The following PDCD7 variants were observed in gnomAD, a reference collection of about 807,000 sequenced individuals.
PDCD7 encodes programmed cell death protein 7.
PDCD7 carries 40 observed loss-of-function variants against 42.1 expected under a neutral mutation model. The observed-to-expected ratio is 0.95, with a 90% CI of 0.74 to 1.24. PDCD7 has a LOEUF of 1.24. PDCD7 is among the 50% of genes most tolerant of loss of function. The pLI, the probability that PDCD7 is intolerant of heterozygous loss-of-function variation, is 0.00. For synonymous variants in PDCD7, 299 were observed against 303.3 expected (o/e 0.99, Z 0.15); for missense variants, 644 against 662.8 (o/e 0.97, Z 0.31).
chr15:65,120,398 T>C (rs944085349), intron 2 of PDCD7, among the ~76,000 whole-genome samples: 4 of 152,094 alleles, frequency 2.6e-5, no homozygotes, highest in Admixed American at 1.3e-4. Flanking sequence ...GCAATCCCCC[T>C]GCCTTGGCCT....
rs61756022 is a variant in PDCD7 at position 65,118,763 on chromosome 15, G to C, written c.1412C>G (p.Pro471Arg). Residue 471 changes from proline (P) to arginine (R), a missense_variant, in exon 5 of 5, where the codon CCG becomes CGG. By Grantham distance (103) the Pro-to-Arg change is moderately radical. Transcript: ENST00000204549. ...NFVPQGWVLPPLPSNDIWATA... is the reference protein window; with the variant it reads ...NFVPQGWVLPRLPSNDIWATA... ...TGCCCAGATGTCGTTGCTGGGGAGC[G>C]GGGGAAGGACCCATCCTTGGGGAAC... 11 of 1,609,096 alleles carry C rather than the reference G, an allele frequency of 6.8e-6. No homozygotes were observed. In the Admixed American group the frequency reaches 1.2e-4, roughly 17 times the overall value.
intron 1 of PDCD7, among the ~76,000 whole-genome samples, chr15:65,131,293 C>A (rs997570558): frequency 4.6e-5 from 7 of 152,184 alleles, no homozygotes; most frequent in African/African-American, 1.4e-4. Context: ...TCCTATCACC[C>A]CCAGATGGGA....
In PDCD7 at chr15:65,133,683, G is replaced by C; in HGVS notation, c.99C>G (p.Pro33=). The C allele has an allele frequency of 1.6e-6, 2 of 1,274,048 alleles. No individual in the cohort carries two copies. Among genetic ancestry groups the C allele is most frequent in the Non-Finnish European group, 2.0e-6 (2 of 1,003,956 alleles). The allele number at this position is 1,274,048 out of a possible 1,614,324, so 78.9% of individuals were successfully genotyped here. ...GGAGAGGCGGCGGGAAAGCCGGGGA[G>C]GGCAGCGGCGGTGGCGGACAGCCGA... ...APFGCPPPPL[P]SPAFPPPLPQ... is the part of the protein sequence containing the mutation. Residue 33 remains proline, a synonymous_variant, in exon 1 of 5, where the codon CCC becomes CCG. Transcript: ENST00000204549.
In PDCD7 at chr15:65,127,931, T is replaced by G. The variant is rs1333364430; in HGVS notation, c.1009+1101A>C. Among the ~76,000 whole-genome samples the G allele has an allele frequency of 8.5e-5, 13 of 152,322 alleles. 1 individual carries two copies. The East Asian group carries it at 1.7e-3, about 20-fold the overall frequency. On this transcript the variant is annotated intron_variant, in intron 2 of 4. Coordinates refer to ENST00000204549, the MANE Select transcript of PDCD7 (RefSeq NM_005707.2). The stretch of plus-strand genomic sequence containing the variant: ...GACAAAGCAGATGCTAACTTCCCTC[T>G]GATTTACAAATGCCCTGAGAGTACC...
At position 65,132,346 on chromosome 15, in the gene PDCD7, C is replaced by G. The variant is rs543296121; in HGVS notation, c.870+566G>C. On this transcript the variant is annotated intron_variant, in intron 1 of 4. Transcript: ENST00000204549. ...TCGCCCAGGCTGGAATGCAGTGGTG[C>G]GATCTCGGCTCACTGCAACCTCCGC... Among the ~76,000 whole-genome samples the G allele has an allele frequency of 7.3e-5, 11 of 149,932 alleles. No homozygotes were observed. The East Asian group carries it at 2.2e-3, about 29-fold the overall frequency.
chr15:65,119,746 T>A lies in PDCD7; in HGVS notation c.1218A>T (p.Glu406Asp), dbSNP rs1199607465. Residue 406 changes from glutamate (E) to aspartate (D), a missense_variant, in exon 3 of 5, where the codon GAA (glutamate) becomes GAT (aspartate). Coordinates refer to ENST00000204549, the MANE Select transcript of PDCD7 (RefSeq NM_005707.2). ...EKEKILLQKR[E>D]IESKLFGDPD... ...GATCCCCAAACAACTTGGACTCAATTTCACGTTTCTGAAGTAAAATTTTCT... is the reference window on the plus strand; with the variant it reads ...GATCCCCAAACAACTTGGACTCAATATCACGTTTCTGAAGTAAAATTTTCT... 9 of 1,611,830 alleles carry A rather than the reference T, an allele frequency of 5.6e-6. No individual in the cohort carries two copies. Among genetic ancestry groups the A allele is most frequent in the Non-Finnish European group, 7.6e-6 (9 of 1,179,556 alleles).
In PDCD7 at chr15:65,118,531, C is replaced by A. The variant is rs1459279124; in HGVS notation, c.*186G>T. ...ACCTAAGTCCTTTCCTGAAAAACCA[C>A]ATTAATCTGATTCAAGAGGCACCTC... On this transcript the variant is annotated 3_prime_UTR_variant, in exon 5 of 5. Coordinates refer to ENST00000204549, the MANE Select transcript of PDCD7 (RefSeq NM_005707.2). 1 of 510,790 alleles carries A rather than the reference C, an allele frequency of 2.0e-6. No individual in the cohort carries two copies. The highest frequency in any genetic ancestry group is 3.1e-6 in the Non-Finnish European group (1 of 320,268). 31.6% of individuals were successfully genotyped at this position (510,790 alleles called of 1,614,324 possible).
At chr15:65,128,983 A>G in intron 2 of PDCD7, 49 bp downstream of exon 2, 1 of 1,601,474 alleles carries the variant, frequency 6.2e-7, no homozygotes, top group Non-Finnish European at 8.5e-7. Flanking sequence ...GAGGAGCTAG[A>G]GTAAAGAAGG....
At chr15:65,119,248 G>GT (rs1167443027) in intron 4 of PDCD7, 128 bp downstream of exon 4, 28 of 610,598 alleles carry the variant, frequency 4.6e-5, no homozygotes, top group Admixed American at 9.2e-5. Flanking sequence ...TAAACCCATA[G>GT]TTTTTTTTAA....
Position 65,133,653 on chromosome 15 carries a change from C to G in PDCD7, c.129G>C (p.Gln43His). The G allele has an allele frequency of 7.9e-7, 1 of 1,262,434 alleles. No homozygotes were observed. Among genetic ancestry groups the G allele is most frequent in the Non-Finnish European group, 1.0e-6 (1 of 999,008 alleles). The allele number at this position is 1,262,434 out of a possible 1,614,324, so 78.2% of individuals were successfully genotyped here. ...AGGCCCCCGGAAAAGGGCCGGGCCG[C>G]TGGGGGAGAGGCGGCGGGAAAGCCG... Reference protein sequence around the residue: ...PSPAFPPPLPQRPGPFPGASA... With the variant: ...PSPAFPPPLPHRPGPFPGASA... Residue 43 changes from glutamine (Q) to histidine (H), a missense_variant, in exon 1 of 5, where the codon CAG becomes CAC. By Grantham distance (24) the Gln-to-His change is conservative (BLOSUM62 0). Transcript: ENST00000204549.
intron 2 of PDCD7, among the ~76,000 whole-genome samples, chr15:65,123,089 C>T (rs1466891487): frequency 6.6e-6 from 1 of 152,088 alleles, no homozygotes; most frequent in African/African-American, 2.4e-5. Flanking sequence ...TAAACTGCTT[C>T]CTAAAAAAGC....
chr15:65,133,123 G>A lies in PDCD7; in HGVS notation c.659C>T (p.Ala220Val), dbSNP rs1407370531. The change falls in exon 1 of 5, where the codon GCC (alanine) becomes GTC (valine). Residue 220 changes from alanine (A) to valine (V), a missense_variant. Transcript: ENST00000204549. ...SQTAPLRAEL[A>V]ERLQPLTQAA... ...CTGGGTCAACGGCTGTAGCCGCTCG[G>A]CCAGTTCCGCGCGCAGCGGCGCGGT... 21 of 1,541,442 alleles carry A rather than the reference G, an allele frequency of 1.4e-5. No homozygotes were observed. The highest frequency in any genetic ancestry group is 1.8e-5 in the Non-Finnish European group (21 of 1,150,446).
rs1430105842 is a variant in PDCD7 at position 65,133,441 on chromosome 15, G to A, written c.341C>T (p.Pro114Leu). Residue 114 changes from proline to leucine, a missense_variant, in exon 1 of 5, where the codon CCG (proline) becomes CTG (leucine). Physicochemically the swap from Pro to Leu is moderately conservative, Grantham distance 98. Coordinates refer to ENST00000204549, the MANE Select transcript of PDCD7 (RefSeq NM_005707.2). ...GERPRPPPPG[P>L]GPPWSPRWPE... The stretch of plus-strand genomic sequence containing the variant: ...CCACCGCGGGCTCCAGGGCGGCCCC[G>A]GGCCGGGAGGCGGTGGCCGCGGCCG... 8.4e-7 allele frequency: 1 copy of A among 1,192,376 alleles called. No homozygotes were observed. The highest frequency in any genetic ancestry group is 1.0e-6 in the Non-Finnish European group (1 of 962,758). The allele number at this position is 1,192,376 out of a possible 1,614,324, so 73.9% of individuals were successfully genotyped here. A position where few individuals can be genotyped will look rare whatever the true frequency, so the allele number is the denominator to read the frequency against.
At chr15:65,126,493 C>T (rs2087497117) in intron 2 of PDCD7, among the ~76,000 whole-genome samples, 1 of 152,162 alleles carries the variant, frequency 6.6e-6, no homozygotes, top group African/African-American at 2.4e-5. Context: ...GTGGCTCACA[C>T]CCTTAATCCT....
chr15:65,133,739 G>C lies in PDCD7; in HGVS notation c.43C>G (p.Pro15Ala), dbSNP rs1413663016. The C allele has an allele frequency of 7.6e-7, 1 of 1,320,510 alleles. No individual in the cohort carries two copies. Among genetic ancestry groups the C allele is most frequent in the African/African-American group, 1.5e-5 (1 of 65,310 alleles). 81.8% of individuals were successfully genotyped at this position (1,320,510 alleles called of 1,614,324 possible). ...PFFGQGRPGP[P>A]PPQPPPPAPF... ...GCAGGAGGCGGCGGCTGCGGGGGCGGTGGGCCTGGGCGACCCTGGCCGAAG... is the reference window on the plus strand; with the variant it reads ...GCAGGAGGCGGCGGCTGCGGGGGCGCTGGGCCTGGGCGACCCTGGCCGAAG... The change falls in exon 1 of 5, where the codon CCG becomes GCG. Residue 15 changes from proline to alanine, a missense_variant. Transcript: ENST00000204549.
Position 65,119,964 on chromosome 15 carries a change from C to G in PDCD7, c.1010-10G>C. ...GCTGGAGGACAGACCCCTGGGCAGA[C>G]AGGACAAAATGGCATTTTATTTATT... On this transcript the variant is annotated splice_polypyrimidine_tract_variant and intron_variant, in intron 2 of 4. Coordinates refer to ENST00000204549, the MANE Select transcript of PDCD7 (RefSeq NM_005707.2). The G allele has an allele frequency of 6.3e-7, 1 of 1,592,360 alleles. No homozygotes were observed. The highest frequency in any genetic ancestry group is 8.5e-7 in the Non-Finnish European group (1 of 1,174,040).
At chr15:65,131,431 CCA>C (rs2087539084) in intron 1 of PDCD7, among the ~76,000 whole-genome samples, 2 of 152,026 alleles carry the variant, frequency 1.3e-5, no homozygotes, top group Non-Finnish European at 2.9e-5. Context: ...AAAGGGAACC[CCA>C]GAGGCAATCA....
chr15:65,132,118 G>C (rs2087544739), intron 1 of PDCD7, among the ~76,000 whole-genome samples: 2 of 61,464 alleles, frequency 3.3e-5, no homozygotes, highest in Non-Finnish European at 7.3e-5. Context: ...ATATATGTAT[G>C]TATGTGTATA....
At chr15:65,125,997 T>C (rs2087492975) in intron 2 of PDCD7, among the ~76,000 whole-genome samples, 1 of 152,132 alleles carries the variant, frequency 6.6e-6, no homozygotes, top group African/African-American at 2.4e-5. Flanking sequence ...CTCATGAGAC[T>C]TATGATCACA....
Sources: allele counts gnomAD v4.1 joint callset (sites outside exome capture counted in the v4.1 genomes callset), GRCh38; gene constraint gnomAD v4.1.1; transcripts MANE v1.5; gene names NCBI Gene and HGNC (gene_info 2026-07-23, HGNC 2026-07-21).